Variants in SGCD observed in about 807,000 individuals in gnomAD.
SGCD encodes the protein sarcoglycan delta.
SGCD carries 18 observed loss-of-function variants against 36.6 expected under a neutral mutation model. The ratio of observed to expected loss-of-function variants is 0.49; its 90% confidence interval spans 0.34 to 0.73. The LOEUF (loss-of-function observed/expected upper bound fraction) is 0.73. Ranked by LOEUF, SGCD falls within the 30% of genes least tolerant of loss-of-function variation. The probability of loss-of-function intolerance (pLI) is 0.01; values close to 1 mark genes in which losing one functional copy is unlikely to be tolerated. For missense variants in SGCD, 387 were observed against 346.7 expected (o/e 1.12, Z -0.92); for synonymous variants, 133 against 130.6 (o/e 1.02, Z -0.12).
intron 3 of SGCD, among the ~76,000 whole-genome samples, chr5:156,133,346 A>G (rs1404610191): frequency 6.6e-6 from 1 of 152,196 alleles, no homozygotes; most frequent in Non-Finnish European, 1.5e-5. Context: ...GAGACCTTGA[A>G]ATGCCATTCA....
chr5:156,219,492 C>T (rs1277446652), intron 3 of SGCD, among the ~76,000 whole-genome samples: 1 of 151,670 alleles, frequency 6.6e-6, no homozygotes, highest in Non-Finnish European at 1.5e-5. Flanking sequence ...AAAAATAAAG[C>T]ATCTGAATCT....
At chr5:156,480,812 G>A (rs1755390560) in intron 3 of SGCD, among the ~76,000 whole-genome samples, 1 of 152,170 alleles carries the variant, frequency 6.6e-6, no homozygotes, top group Non-Finnish European at 1.5e-5. Flanking sequence ...AATCTTAGGT[G>A]ATTAAGGAAC....
intron 6 of SGCD, among the ~76,000 whole-genome samples, chr5:156,595,747 A>G (rs890826847): frequency 1.3e-5 from 2 of 152,234 alleles, no homozygotes; most frequent in Non-Finnish European, 2.9e-5. Flanking sequence ...CAACTGAAGA[A>G]TCATCTAGGA....
At position 155,889,542 on chromosome 5, in the gene SGCD, T is replaced by C. The variant is rs1305587004; in HGVS notation, c.-282+19118T>C. On this transcript the variant is annotated intron_variant, in intron 1 of 9. Coordinates refer to the SGCD transcript ENST00000517913. ...AGTAATCAGCTTACCGATTATTTATTAGAAGTCTGTACCTCCTAGATAGGA... is the reference window on the plus strand; with the variant it reads ...AGTAATCAGCTTACCGATTATTTATCAGAAGTCTGTACCTCCTAGATAGGA... Among the ~76,000 whole-genome samples, 3 of 152,230 alleles carry C rather than the reference T, an allele frequency of 2.0e-5. No homozygotes were observed. In the East Asian group the frequency reaches 5.8e-4, roughly 29 times the overall value.
intron 3 of SGCD, among the ~76,000 whole-genome samples, chr5:156,238,856 T>C (rs1257832677): frequency 6.6e-6 from 1 of 152,146 alleles, no homozygotes; most frequent in Non-Finnish European, 1.5e-5. Flanking sequence ...TATTTGAGGA[T>C]GCCTTTTTAA....
chr5:155,811,861 C>T, the SGCD span, among the ~76,000 whole-genome samples: 1 of 152,058 alleles, frequency 6.6e-6, no homozygotes, highest in Non-Finnish European at 1.5e-5. Context: ...GAGATGGTCA[C>T]ATGGGGATGA....
At chr5:156,225,557 G>A (rs904007791) in intron 3 of SGCD, among the ~76,000 whole-genome samples, 4 of 152,020 alleles carry the variant, frequency 2.6e-5, no homozygotes, top group Non-Finnish European at 4.4e-5. Flanking sequence ...TTTGTCTTTA[G>A]GGCCACTTAG....
At chr5:156,547,187 G>C (rs1336714295) in intron 4 of SGCD, among the ~76,000 whole-genome samples, 1 of 152,184 alleles carries the variant, frequency 6.6e-6, no homozygotes, top group African/African-American at 2.4e-5. Flanking sequence ...TACATTTGGG[G>C]CCAGATTTCT....
intron 7 of SGCD, among the ~76,000 whole-genome samples, chr5:156,729,027 G>A (rs1354939611): frequency 6.6e-6 from 1 of 152,136 alleles, no homozygotes; most frequent in African/African-American, 2.4e-5. Context: ...ACAGCCATAT[G>A]TCACCGTTCA....
chr5:156,664,568 T>G (rs1175049457), intron 7 of SGCD, among the ~76,000 whole-genome samples: 1 of 58,176 alleles, frequency 1.7e-5, no homozygotes, highest in Non-Finnish European at 3.1e-5. Context: ...CTAATAGTAC[T>G]CCAATTTTGA....
chr5:156,108,880 A>C (rs75826836), intron 1 of SGCD, among the ~76,000 whole-genome samples: 3,068 of 152,298 alleles, frequency 0.02, 45 homozygotes, highest in Non-Finnish European at 0.034. Flanking sequence ...TACACTTCCT[A>C]ATACATAAAG....
At chr5:155,825,724 ATTTG>A in the SGCD span, among the ~76,000 whole-genome samples, 2 of 27,196 alleles carry the variant, frequency 7.4e-5, no homozygotes, top group Non-Finnish European at 1.2e-4. Context: ...TGACTTTATT[ATTTG>A]TTTTTTTTTT....
At chr5:156,657,352 G>C (rs1300238598) in intron 7 of SGCD, among the ~76,000 whole-genome samples, 1 of 151,062 alleles carries the variant, frequency 6.6e-6, no homozygotes. Flanking sequence ...CCCATTAACT[G>C]GTCATTTAGC....
At chr5:156,211,855 C>T (rs771592729) in intron 3 of SGCD, among the ~76,000 whole-genome samples, 2 of 151,658 alleles carry the variant, frequency 1.3e-5, no homozygotes, top group South Asian at 2.1e-4. Flanking sequence ...ATTCTGACAC[C>T]GAAAACAAAA....
chr5:156,648,341 T>C (rs1763311464), intron 7 of SGCD, among the ~76,000 whole-genome samples: 1 of 152,004 alleles, frequency 6.6e-6, no homozygotes, highest in Non-Finnish European at 1.5e-5. Flanking sequence ...AATAACTGTT[T>C]CATGATAGAC....
the SGCD span, among the ~76,000 whole-genome samples, chr5:155,815,770 C>A: frequency 1.3e-5 from 2 of 152,134 alleles, no homozygotes; most frequent in African/African-American, 4.8e-5. Flanking sequence ...AGACTGCCCC[C>A]ATGATCCAGT....
chr5:155,862,494 T>A, the SGCD span, among the ~76,000 whole-genome samples: 1 of 152,078 alleles, frequency 6.6e-6, no homozygotes, highest in African/African-American at 2.4e-5. Flanking sequence ...ACCTGGCTAG[T>A]TTTTTATTTT....
chr5:156,315,197 A>C (rs1243480305), intron 3 of SGCD, among the ~76,000 whole-genome samples: 2 of 151,342 alleles, frequency 1.3e-5, no homozygotes, highest in Non-Finnish European at 3.0e-5. Context: ...TTTCACCAAT[A>C]TCTCTCCTTA....
chr5:156,229,277 C>CACATATACATATATATATATATATAT (rs1554085595), intron 3 of SGCD, among the ~76,000 whole-genome samples: 1 of 56,502 alleles, frequency 1.8e-5, no homozygotes, highest in African/African-American at 8.0e-5. Flanking sequence ...TATATACATA[C>CACATATACATATATATATATATATAT]ATATATATAT....
Sources: allele counts gnomAD v4.1 joint callset (sites outside exome capture counted in the v4.1 genomes callset), GRCh38; gene constraint gnomAD v4.1.1; transcripts MANE v1.5; gene names NCBI Gene and HGNC (gene_info 2026-07-23, HGNC 2026-07-21).